The following SGCZ variants were observed in gnomAD, a reference collection of about 807,000 sequenced individuals.
SGCZ encodes sarcoglycan zeta.
SGCZ carries 40 observed loss-of-function variants against 41.3 expected under a neutral mutation model. The ratio of observed to expected loss-of-function variants is 0.97; its 90% CI spans 0.75 to 1.26. The LOEUF (loss-of-function observed/expected upper bound fraction) is 1.26. SGCZ is among the 50% of genes most tolerant of loss of function. The probability of loss-of-function intolerance (pLI) is 0.00; values close to 1 mark genes in which losing one functional copy is unlikely to be tolerated. For synonymous variants in SGCZ, 206 were observed against 137.5 expected, an observed-to-expected ratio of 1.50 and a Z score of -3.49; for missense variants, 552 against 369.8, an observed-to-expected ratio of 1.49 and a Z score of -4.04.
At position 14,860,477 on chromosome 8, in the gene SGCZ, A is replaced by G. The variant is rs150019417; in HGVS notation, c.40-305551T>C. Among the ~76,000 whole-genome samples the G allele has an allele frequency of 9.1e-3, 1,378 of 151,252 alleles. 20 individuals carry two copies. The highest frequency in any genetic ancestry group is 0.01 in the Non-Finnish European group (704 of 67,782). On this transcript the variant is annotated intron_variant, in intron 1 of 7. Transcript: ENST00000382080. ...GAAGGAAAGAGAAGAGAGTGAGAGA[A>G]GGAAGAGGAGAAAGAGAAAGAGGAA...
intron 1 of SGCZ, among the ~76,000 whole-genome samples, chr8:14,967,099 G>A (rs1159330721): frequency 6.6e-6 from 1 of 152,118 alleles, no homozygotes; most frequent in Admixed American, 6.6e-5. Flanking sequence ...AGACTTGTAG[G>A]CAGTAGAATA....
intron 1 of SGCZ, among the ~76,000 whole-genome samples, chr8:14,835,708 A>G (rs548498006): frequency 6.6e-6 from 1 of 152,324 alleles, no homozygotes; most frequent in African/African-American, 2.4e-5. Context: ...TTGGCCTAAC[A>G]ACAGAAGCAC....
chr8:14,966,287 C>A (rs1801125063), intron 1 of SGCZ, among the ~76,000 whole-genome samples: 1 of 151,492 alleles, frequency 6.6e-6, no homozygotes. Context: ...ATAATTATAT[C>A]AAGAGGAGAT....
chr8:14,807,520 C>G (rs2130524919), intron 1 of SGCZ, among the ~76,000 whole-genome samples: 1 of 151,904 alleles, frequency 6.6e-6, no homozygotes, highest in East Asian at 1.9e-4. Context: ...ATCCAACTTA[C>G]AAGGGATGTG....
chr8:14,943,981 A>G (rs1800362072), intron 1 of SGCZ, among the ~76,000 whole-genome samples: 1 of 152,002 alleles, frequency 6.6e-6, no homozygotes, highest in Non-Finnish European at 1.5e-5. Flanking sequence ...TGTGTTCTTC[A>G]TACCATTTTC....
intron 1 of SGCZ, among the ~76,000 whole-genome samples, chr8:15,199,630 C>G (rs1356452508): frequency 6.6e-6 from 1 of 152,116 alleles, no homozygotes; most frequent in Non-Finnish European, 1.5e-5. Flanking sequence ...AATAATCCAG[C>G]TGATACCCCT....
At chr8:15,018,475 A>G (rs999564010) in intron 1 of SGCZ, among the ~76,000 whole-genome samples, 5 of 152,206 alleles carry the variant, frequency 3.3e-5, no homozygotes, top group Non-Finnish European at 5.9e-5. Context: ...TGAGGAGGTG[A>G]TATTTAAGCT....
At chr8:14,594,973 A>T (rs540886513) in intron 1 of SGCZ, among the ~76,000 whole-genome samples, 1 of 152,090 alleles carries the variant, frequency 6.6e-6, no homozygotes, top group Non-Finnish European at 1.5e-5. Flanking sequence ...TCCATATCCT[A>T]ATTAGTAAAG....
intron 1 of SGCZ, among the ~76,000 whole-genome samples, chr8:15,095,499 T>G (rs1563122389): frequency 6.6e-6 from 1 of 152,244 alleles, no homozygotes; most frequent in Admixed American, 6.5e-5. Flanking sequence ...TTCCTTGTAA[T>G]GATCAATTAT....
intron 1 of SGCZ, among the ~76,000 whole-genome samples, chr8:14,581,973 C>A (rs1804904782): frequency 1.3e-5 from 2 of 152,090 alleles, no homozygotes; most frequent in African/African-American, 2.4e-5. Flanking sequence ...ACCTGCTCCA[C>A]CTCTACTGCC....
intron 1 of SGCZ, among the ~76,000 whole-genome samples, chr8:14,691,637 A>G (rs1225907261): frequency 6.6e-6 from 1 of 152,074 alleles, no homozygotes; most frequent in African/African-American, 2.4e-5. Flanking sequence ...GGAATATTTG[A>G]CTCATATAGT....
At chr8:14,249,200 T>C (rs932753955) in intron 3 of SGCZ, among the ~76,000 whole-genome samples, 1 of 152,184 alleles carries the variant, frequency 6.6e-6, no homozygotes, top group Admixed American at 6.5e-5. Context: ...GAGAATTCAC[T>C]CTCTCTGCCT....
intron 1 of SGCZ, among the ~76,000 whole-genome samples, chr8:15,041,225 T>A (rs118134184): frequency 0.039 from 5,913 of 151,950 alleles, 145 homozygotes; most frequent in Non-Finnish European, 0.057. Context: ...AAGAAAATAT[T>A]TCTTAAATGA....
intron 1 of SGCZ, among the ~76,000 whole-genome samples, chr8:14,593,481 G>C (rs1036519014): frequency 7.9e-5 from 12 of 152,180 alleles, no homozygotes; most frequent in South Asian, 4.1e-4. Flanking sequence ...ATTTGTTTTA[G>C]CGGCAATGGG....
chr8:14,607,216 T>C (rs576733640), intron 1 of SGCZ, among the ~76,000 whole-genome samples: 1 of 152,120 alleles, frequency 6.6e-6, no homozygotes, highest in African/African-American at 2.4e-5. Flanking sequence ...ATACTGAAAA[T>C]TAAATAAAAT....
At chr8:14,997,923 G>A (rs1295086904) in intron 1 of SGCZ, among the ~76,000 whole-genome samples, 2 of 152,016 alleles carry the variant, frequency 1.3e-5, no homozygotes, top group East Asian at 3.9e-4. Flanking sequence ...TGGTGCCACT[G>A]CACTCCAGCC....
At chr8:15,121,324 C>T (rs1256708804) in intron 1 of SGCZ, among the ~76,000 whole-genome samples, 1 of 152,186 alleles carries the variant, frequency 6.6e-6, no homozygotes, top group Non-Finnish European at 1.5e-5. Context: ...CAACAAATGA[C>T]ATTTCTTTTA....
At chr8:14,486,554 C>T (rs1188092097) in intron 2 of SGCZ, among the ~76,000 whole-genome samples, 2 of 152,212 alleles carry the variant, frequency 1.3e-5, no homozygotes, top group Admixed American at 1.3e-4. Context: ...AACTGCACTT[C>T]TTGTGAGTAA....
At chr8:14,249,846 C>T (rs1470620335) in intron 3 of SGCZ, among the ~76,000 whole-genome samples, 4 of 152,094 alleles carry the variant, frequency 2.6e-5, no homozygotes, top group Non-Finnish European at 5.9e-5. Context: ...CCTGAGCCTC[C>T]TTGCAAGATG....
Sources: allele counts gnomAD v4.1 joint callset (sites outside exome capture counted in the v4.1 genomes callset), GRCh38; gene constraint gnomAD v4.1.1; transcripts MANE v1.5; gene names NCBI Gene and HGNC (gene_info 2026-07-23, HGNC 2026-07-21).